Variants in GREB1 observed in about 807,000 individuals in gnomAD.
The protein encoded by GREB1 is growth regulating estrogen receptor binding 1, also known as protein GREB1.
GREB1 carries 106 observed loss-of-function variants against 200.7 expected under a neutral mutation model. The ratio of observed to expected loss-of-function variants is 0.53; its 90% CI spans 0.45 to 0.62. GREB1 has a LOEUF of 0.62. Ranked by LOEUF, GREB1 falls within the 20% of genes least tolerant of loss-of-function variation. The pLI is 0.00. For missense variants in GREB1, 2,243 were observed against 2,556.8 expected, an observed-to-expected ratio of 0.88 and a Z score of 2.65; for synonymous variants, 1,132 against 1,092.4, an observed-to-expected ratio of 1.04 and a Z score of -0.72.
At chr2:11,589,782 C>T (rs1167484913) in intron 10 of GREB1, among the ~76,000 whole-genome samples, 3 of 152,034 alleles carry the variant, frequency 2.0e-5, no homozygotes, top group South Asian at 2.1e-4. Context: ...AAGGTAAGGC[C>T]GGCTGGAAAT....
Position 11,518,003 on chromosome 2 carries a change from G to C in GREB1, c.-159+35622G>C, listed in dbSNP as rs1673568949. On this transcript the variant is annotated intron_variant, in intron 1 of 2. Coordinates refer to the GREB1 transcript ENST00000628795. ...ATACCCGGAGAGTTTTCCAAGGAGT[G>C]AGTTTGTTTTTTGTTTCCCCTTGAC... Among the ~76,000 whole-genome samples, 6 of 152,242 alleles carry C rather than the reference G, an allele frequency of 3.9e-5. No individual in the cohort carries two copies. In the South Asian group the frequency reaches 1.2e-3, roughly 32 times the overall value.
At chr2:11,511,702 A>G (rs1673357086) in intron 1 of GREB1, among the ~76,000 whole-genome samples, 1 of 152,158 alleles carries the variant, frequency 6.6e-6, no homozygotes, top group Non-Finnish European at 1.5e-5. Context: ...CCCTGAGCTT[A>G]GGGGAATGGG....
In GREB1 at chr2:11,483,687, G is replaced by GTGTGTGT. The variant is rs1672573952; in HGVS notation, c.-159+1306_-159+1307insTGTGTGT. Among the ~76,000 whole-genome samples the GTGTGTGT allele has an allele frequency of 4.8e-4, 64 of 132,386 alleles. 1 individual carries two copies. Among genetic ancestry groups the GTGTGTGT allele is most frequent in the African/African-American group, 1.6e-3 (55 of 35,088 alleles). The allele number at this position is 132,386 out of a possible 152,430, so 86.9% of individuals were successfully genotyped here. A position where few individuals can be genotyped will look rare whatever the true frequency, so the allele number is the denominator to read the frequency against. Reference sequence around the variant, plus strand: ...GCTGCTTCCCCGAAGTACAAGAAGGGGTGTGTGTGTGTGTGTGTGTGTGTG... The same window carrying GTGTGTGT: ...GCTGCTTCCCCGAAGTACAAGAAGGGTGTGTGTGTGTGTGTGTGTGTGTGTGTGTGTG... On this transcript the variant is annotated intron_variant, in intron 1 of 2. Transcript: ENST00000628795.
intron 6 of GREB1, among the ~76,000 whole-genome samples, 161 bp downstream of exon 6, chr2:11,578,592 T>C (rs944926716): frequency 1.3e-5 from 2 of 152,248 alleles, no homozygotes; most frequent in African/African-American, 2.4e-5. Context: ...TGTAATACTT[T>C]TCAACAAAGA....
intron 27 of GREB1, among the ~76,000 whole-genome samples, chr2:11,632,442 G>C (rs1341950080): frequency 3.4e-5 from 5 of 148,874 alleles, no homozygotes; most frequent in African/African-American, 1.2e-4. Flanking sequence ...GGGTTCAAGC[G>C]ATTCTCCTGC....
rs763885123 is a variant in GREB1, at chr2:11,556,568, C to G, written c.-47C>G. 19 of 1,529,722 alleles carry G rather than the reference C, an allele frequency of 1.2e-5. No homozygotes were observed. The highest frequency in any genetic ancestry group is 1.5e-5 in the Non-Finnish European group (17 of 1,120,090). The allele number at this position is 1,529,722 out of a possible 1,614,324, so 94.8% of individuals were successfully genotyped here. On this transcript the variant is annotated 5_prime_UTR_variant, in exon 2 of 33. Transcript: ENST00000381486. Reference sequence around the variant, plus strand: ...CCTTGCGTGGAGCCAGGCTTTTGCACCGAATCTGAGATGCCATTTTAAACA... The same window carrying G: ...CCTTGCGTGGAGCCAGGCTTTTGCAGCGAATCTGAGATGCCATTTTAAACA...
intron 1 of GREB1, among the ~76,000 whole-genome samples, chr2:11,510,516 A>C (rs1308610276): frequency 6.6e-6 from 1 of 152,144 alleles, no homozygotes; most frequent in Non-Finnish European, 1.5e-5. Context: ...ACATTTTCCT[A>C]ATCAACGATT....
chr2:11,575,109 G>A (rs1678705934), intron 4 of GREB1, among the ~76,000 whole-genome samples: 1 of 152,186 alleles, frequency 6.6e-6, no homozygotes, highest in Non-Finnish European at 1.5e-5. Flanking sequence ...GAGACCTTAG[G>A]GAAACTGTTT....
intron 1 of GREB1, among the ~76,000 whole-genome samples, chr2:11,497,926 A>G (rs1281110311): frequency 1.1e-5 from 1 of 87,526 alleles, no homozygotes. Context: ...TCCATTCTTT[A>G]GTTTGTCTTT....
chr2:11,597,142 G>T lies in GREB1; in HGVS notation c.1955-639G>T, dbSNP rs1425140413. 6.6e-6 allele frequency among the ~76,000 whole-genome samples: 1 copy of T among 152,060 alleles called. No homozygotes were observed. Among genetic ancestry groups the T allele is most frequent in the Non-Finnish European group, 1.5e-5 (1 of 67,972 alleles). ...GTGGGCGATGAGAGGGCACTGGCGAGGGCCTCGGTCTGGCCTGGGAGGCAG... is the reference window on the plus strand; with the variant it reads ...GTGGGCGATGAGAGGGCACTGGCGATGGCCTCGGTCTGGCCTGGGAGGCAG... On this transcript the variant is annotated intron_variant, in intron 13 of 32. Transcript: ENST00000381486. This position sits in a 1 kb window ranked among gnomAD's most constrained non-coding sequence, Gnocchi z 4.1.
intron 5 of GREB1, among the ~76,000 whole-genome samples, chr2:11,577,611 G>A (rs1679008071): frequency 6.6e-6 from 1 of 152,216 alleles, no homozygotes; most frequent in Non-Finnish European, 1.5e-5. Context: ...GGGCAAGTCT[G>A]GGGTGTGAGG....
intron 22 of GREB1, 76 bp from the exon 23 acceptor site, chr2:11,620,829 T>G: frequency 1.2e-6 from 1 of 802,294 alleles, no homozygotes; most frequent in South Asian, 1.4e-5. Context: ...TCAGGAGCCA[T>G]GCCAGGTGTT....
At chr2:11,599,936 G>T (rs909098315) in intron 15 of GREB1, among the ~76,000 whole-genome samples, 14 of 152,202 alleles carry the variant, frequency 9.2e-5, no homozygotes, top group Non-Finnish European at 1.8e-4. Context: ...GGTTTACCGG[G>T]ATTGGTCATC....
chr2:11,610,850 C>T lies in GREB1; in HGVS notation c.2829C>T (p.Pro943=), dbSNP rs1682857026. The change falls in exon 18 of 33, where the codon CCC becomes CCT. Residue 943 remains proline, a synonymous_variant. Coordinates refer to ENST00000381486, the MANE Select transcript of GREB1 (RefSeq NM_014668.4). ...QNLLNSPKQC[P]CGHGLMVLLR... ...TCCTCAACTCCCCGAAGCAGTGCCC[C>T]TGCGGCCACGGGCTCATGGTCCTGC... 4.3e-6 allele frequency: 7 copies of T among 1,613,262 alleles called. No individual in the cohort carries two copies. Among genetic ancestry groups the T allele is most frequent in the Non-Finnish European group, 5.9e-6 (7 of 1,179,934 alleles).
At chr2:11,497,971 CTTTTTTTTTTTTTTTTTTTTTTTT>C (rs70955803) in intron 1 of GREB1, among the ~76,000 whole-genome samples, 630 of 40,656 alleles carry the variant, frequency 0.015, 22 homozygotes, top group Middle Eastern at 0.053. Flanking sequence ...CAGAGCAAAA[CTTTTTTTTTTTTTTTTTTTTTTTT>C]TTTTTTTTTT....
chr2:11,492,543 G>A lies in GREB1; in HGVS notation c.-159+10162G>A, dbSNP rs1314110928. ...GTGAGAAGTTTGGGATGAGGGGTGG[G>A]TTTCTGTGAGACCCTGACCTGGGTC... On this transcript the variant is annotated intron_variant, in intron 1 of 2. Transcript: ENST00000628795. This position sits in a 1 kb window ranked among gnomAD's most constrained non-coding sequence, Gnocchi z 4.0. 1.3e-5 allele frequency among the ~76,000 whole-genome samples: 2 copies of A among 152,208 alleles called. No individual in the cohort carries two copies. Among genetic ancestry groups the A allele is most frequent in the Non-Finnish European group, 2.9e-5 (2 of 68,046 alleles).
intron 1 of GREB1, among the ~76,000 whole-genome samples, chr2:11,515,330 G>A (rs779739519): frequency 3.9e-5 from 6 of 152,224 alleles, no homozygotes; most frequent in South Asian, 2.1e-4. Flanking sequence ...GAGTCTAGGC[G>A]TAGTGAGAGG....
chr2:11,579,804 C>G (rs1227273141), intron 6 of GREB1, among the ~76,000 whole-genome samples: 2 of 152,198 alleles, frequency 1.3e-5, no homozygotes, highest in African/African-American at 2.4e-5. Flanking sequence ...CCATGATTGT[C>G]CCCAGAATTA....
rs70955803 is a variant in GREB1, at chr2:11,497,971, CTTTTTTTTTTTTTTTTTTTTTTTTT to C, written c.-159+15607_-159+15631del. Among the ~76,000 whole-genome samples the C allele has an allele frequency of 7.8e-3, 316 of 40,642 alleles. 10 individuals carry two copies. In the East Asian group the frequency reaches 0.1, roughly 13 times the overall value. The allele number at this position is 40,642 out of a possible 152,430, so 26.7% of individuals were successfully genotyped here. A position where few individuals can be genotyped will look rare whatever the true frequency, so the allele number is the denominator to read the frequency against. On this transcript the variant is annotated intron_variant, in intron 1 of 2. Transcript: ENST00000628795. The stretch of plus-strand genomic sequence containing the variant: ...TAACAGGGTCTTTTGCAGAGCAAAA[CTTTTTTTTTTTTTTTTTTTTTTTTT>C]TTTTTTTTTTTTTTTTAAAGACAGA...
Sources: allele counts gnomAD v4.1 joint callset (sites outside exome capture counted in the v4.1 genomes callset), GRCh38; gene constraint gnomAD v4.1.1; non-coding constraint Gnocchi (gnomAD v3.1); transcripts MANE v1.5; gene names NCBI Gene and HGNC (gene_info 2026-07-23, HGNC 2026-07-21).